GYPC: variants seen among roughly 807,000 people sequenced by gnomAD.
GYPC encodes the protein glycophorin-C.
A neutral mutation model predicts 12.6 loss-of-function variants in GYPC; 14 were observed. The ratio of observed to expected loss-of-function variants is 1.11; its 90% confidence interval spans 0.74 to 1.74. The LOEUF (loss-of-function observed/expected upper bound fraction) is 1.74, where lower values mean the gene tolerates loss of function less well. Ranked by LOEUF, GYPC falls within the 40% of genes most tolerant of loss-of-function variation. The probability of loss-of-function intolerance (pLI) is 0.00; values close to 1 mark genes in which losing one functional copy is unlikely to be tolerated. For synonymous variants in GYPC, 78 were observed against 62.1 expected (o/e 1.26, Z -1.20); for missense variants, 225 against 172.1 (o/e 1.31, Z -1.72).
intron 1 of GYPC, among the ~76,000 whole-genome samples, chr2:126,662,695 G>A (rs1021665752): frequency 2.6e-5 from 4 of 152,138 alleles, no homozygotes; most frequent in East Asian, 3.9e-4. Context: ...CAAATTCTAC[G>A]GCTAGTCCTG....
intron 1 of GYPC, among the ~76,000 whole-genome samples, chr2:126,672,434 C>T (rs1454982270): frequency 2.0e-5 from 3 of 152,286 alleles, no homozygotes; most frequent in South Asian, 2.1e-4. Context: ...TACACGCATA[C>T]ACACACAAAC....
chr2:126,686,557 C>T (rs2104800396), intron 1 of GYPC: 2 of 984,710 alleles, frequency 2.0e-6, no homozygotes, highest in East Asian at 1.1e-4. Flanking sequence ...AAACATTCAG[C>T]AGTTGTCATT....
At chr2:126,676,866 C>T (rs1487966966) in intron 1 of GYPC, among the ~76,000 whole-genome samples, 1 of 152,180 alleles carries the variant, frequency 6.6e-6, no homozygotes, top group African/African-American at 2.4e-5. Context: ...GGCTCTGTTT[C>T]AGAAGCAAAA....
At chr2:126,670,609 T>C (rs573656188) in intron 1 of GYPC, among the ~76,000 whole-genome samples, 26 of 152,272 alleles carry the variant, frequency 1.7e-4, no homozygotes, top group African/African-American at 6.3e-4. Flanking sequence ...GGGGCCAGGC[T>C]GGGCTACAGG....
chr2:126,685,682 C>T (rs1193981534), intron 1 of GYPC: 11 of 663,320 alleles, frequency 1.7e-5, no homozygotes, highest in East Asian at 1.4e-4. Flanking sequence ...TGCACCCGGC[C>T]TGGTAAATTG....
At chr2:126,668,030 G>A (rs2104777210) in intron 1 of GYPC, among the ~76,000 whole-genome samples, 1 of 152,302 alleles carries the variant, frequency 6.6e-6, no homozygotes, top group South Asian at 2.1e-4. Context: ...ACTGCTTGCT[G>A]CACCTGGCTC....
chr2:126,677,372 TAGG>T (rs1338488370), intron 1 of GYPC, among the ~76,000 whole-genome samples: 9 of 150,022 alleles, frequency 6.0e-5, no homozygotes, highest in Non-Finnish European at 1.0e-4. Context: ...AGAGAATGAG[TAGG>T]AGTGTGAGTG....
At chr2:126,675,020 C>T (rs1212835427) in intron 1 of GYPC, among the ~76,000 whole-genome samples, 3 of 152,162 alleles carry the variant, frequency 2.0e-5, no homozygotes, top group African/African-American at 7.2e-5. Flanking sequence ...TAGAAAAGGA[C>T]CTGAACATGG....
At chr2:126,689,594 G>T (rs28609696) in intron 1 of GYPC, among the ~76,000 whole-genome samples, 1 of 149,842 alleles carries the variant, frequency 6.7e-6, no homozygotes, top group African/African-American at 2.5e-5. Flanking sequence ...TCTAGCTGTC[G>T]TGAGACTGGA....
chr2:126,656,595 GCTTT>G (rs1026149705), intron 1 of GYPC, among the ~76,000 whole-genome samples: 2 of 152,244 alleles, frequency 1.3e-5, no homozygotes, highest in Non-Finnish European at 2.9e-5. Context: ...CGTGTCGCCC[GCTTT>G]CTGTTTCTTT....
At chr2:126,686,746 A>G (rs776803887) in intron 1 of GYPC, 3 of 951,994 alleles carry the variant, frequency 3.2e-6, no homozygotes, top group Admixed American at 6.2e-5. Flanking sequence ...AGGTCCTCTC[A>G]TGTCTGTCCA....
chr2:126,661,682 C>T (rs1682541061), intron 1 of GYPC, among the ~76,000 whole-genome samples: 1 of 152,180 alleles, frequency 6.6e-6, no homozygotes, highest in African/African-American at 2.4e-5. Flanking sequence ...GAACTCCTGA[C>T]CTCAGGTGAT....
intron 1 of GYPC, among the ~76,000 whole-genome samples, chr2:126,683,060 G>A (rs1187438884): frequency 6.6e-6 from 1 of 152,246 alleles, no homozygotes; most frequent in East Asian, 1.9e-4. Flanking sequence ...GCTCATGCCT[G>A]TAATCCCAAC....
intron 1 of GYPC, chr2:126,680,512 C>T (rs1296923816): frequency 1.3e-5 from 2 of 152,248 alleles, no homozygotes; most frequent in African/African-American, 4.8e-5. Context: ...ACACCAATAA[C>T]AAACTCAGGG....
intron 1 of GYPC, among the ~76,000 whole-genome samples, chr2:126,683,678 A>G (rs899922031): frequency 1.3e-5 from 2 of 152,244 alleles, no homozygotes; most frequent in African/African-American, 4.8e-5. Context: ...AAATCTATAC[A>G]GAGGAAACCC....
chr2:126,685,164 T>C (rs1484928745), intron 1 of GYPC, among the ~76,000 whole-genome samples: 1 of 152,228 alleles, frequency 6.6e-6, no homozygotes, highest in Non-Finnish European at 1.5e-5. Context: ...AAAAGAAAAG[T>C]TAGTTAATGT....
chr2:126,689,265 C>G (rs981732914), intron 1 of GYPC, among the ~76,000 whole-genome samples: 11 of 152,212 alleles, frequency 7.2e-5, no homozygotes, highest in African/African-American at 2.6e-4. Flanking sequence ...CTGGCCAAGT[C>G]CTGACCTGAT....
rs118156441 is a variant in GYPC at position 126,672,679 on chromosome 2, C to T, written c.49+16367C>T. ...CTCAGAGAGAGCACAGAGCAGCAACCTTCTCCCCTCAGGGTGGAGGGGCTG... is the reference window on the plus strand; with the variant it reads ...CTCAGAGAGAGCACAGAGCAGCAACTTTCTCCCCTCAGGGTGGAGGGGCTG... On this transcript the variant is annotated intron_variant, in intron 1 of 3. Transcript: ENST00000259254. 4.5e-3 allele frequency among the ~76,000 whole-genome samples: 681 copies of T among 152,234 alleles called. 10 individuals are homozygous for T. Among genetic ancestry groups the T allele is most frequent in the East Asian group, 0.029 (150 of 5,158 alleles).
chr2:126,692,267 T>C (rs950219877), intron 2 of GYPC, among the ~76,000 whole-genome samples: 4 of 152,052 alleles, frequency 2.6e-5, no homozygotes, highest in Non-Finnish European at 2.9e-5. Flanking sequence ...CCTTGTATTA[T>C]CTTCTTCCCC....
Sources: allele counts gnomAD v4.1 joint callset (sites outside exome capture counted in the v4.1 genomes callset), GRCh38; gene constraint gnomAD v4.1.1; transcripts MANE v1.5; gene names NCBI Gene and HGNC (gene_info 2026-07-23, HGNC 2026-07-21).